The following TAMM41 variants were observed in gnomAD, a reference collection of about 807,000 sequenced individuals.
The protein encoded by TAMM41 is phosphatidate cytidylyltransferase, mitochondrial.
Under a neutral mutation model 44.1 loss-of-function variants are expected in TAMM41, and 36 were observed. The observed-to-expected ratio is 0.82, with a 90% CI of 0.63 to 1.08. TAMM41 has a LOEUF of 1.08. Among genes scored for constraint, TAMM41 ranks in the 50% least tolerant of loss-of-function variants. TAMM41 has a pLI of 0.00. For missense variants in TAMM41, 417 were observed against 404.3 expected (o/e 1.03, Z -0.27); for synonymous variants, 164 against 153.1 (o/e 1.07, Z -0.53).
At chr3:11,819,247 A>T (rs1489193617) in intron 4 of TAMM41, among the ~76,000 whole-genome samples, 2 of 152,186 alleles carry the variant, frequency 1.3e-5, no homozygotes, top group Admixed American at 6.5e-5. Context: ...ACACACAGGT[A>T]ACGTTTACCG....
chr3:11,812,681 G>A (rs1326571735), intron 5 of TAMM41, among the ~76,000 whole-genome samples: 1 of 152,192 alleles, frequency 6.6e-6, no homozygotes, highest in Non-Finnish European at 1.5e-5. Flanking sequence ...CGTAAGTCCA[G>A]CAGACAAGGC....
At chr3:11,747,689 C>T in the TAMM41 span, among the ~76,000 whole-genome samples, 1 of 151,524 alleles carries the variant, frequency 6.6e-6, no homozygotes, top group Non-Finnish European at 1.5e-5. Context: ...CTGCCTGAGC[C>T]CAGGAGGTTG....
intron 3 of TAMM41, 175 bp from the exon 4 acceptor site, chr3:11,830,039 T>C: frequency 1.8e-6 from 1 of 568,418 alleles, no homozygotes; most frequent in East Asian, 2.8e-5. Context: ...CTCCTTGTTT[T>C]ATGCCAAGGT....
At position 11,807,187 on chromosome 3, in the gene TAMM41, A is replaced by C. The variant is rs977018544; in HGVS notation, c.937+646T>G. 2.2e-6 allele frequency: 3 copies of C among 1,387,084 alleles called. No individual in the cohort carries two copies. The African/African-American group carries it at 4.4e-5, about 20-fold the overall frequency. 85.9% of individuals were successfully genotyped at this position (1,387,084 alleles called of 1,614,324 possible). A position where few individuals can be genotyped will look rare whatever the true frequency, so the allele number is the denominator to read the frequency against. Reference sequence around the variant, plus strand: ...CAGCGAAGACACTCTCCATGAGAGAAGAACATTATGCAGGGAAGGAAAGGT... The same window carrying C: ...CAGCGAAGACACTCTCCATGAGAGACGAACATTATGCAGGGAAGGAAAGGT... On this transcript the variant is annotated intron_variant, in intron 7 of 7. Transcript: ENST00000455809.
the TAMM41 span, among the ~76,000 whole-genome samples, chr3:11,762,563 C>T: frequency 6.6e-6 from 1 of 152,208 alleles, no homozygotes; most frequent in African/African-American, 2.4e-5. Context: ...CTTAGACTCC[C>T]ACTACTGTCT....
downstream of TAMM41, among the ~76,000 whole-genome samples, chr3:11,786,539 G>A (rs1354241622): frequency 1.3e-5 from 2 of 151,730 alleles, no homozygotes; most frequent in East Asian, 1.9e-4. Flanking sequence ...TCCTGACCTC[G>A]TGATCCACCC....
At chr3:11,806,986 T>C (rs2077928225) in intron 7 of TAMM41, among the ~76,000 whole-genome samples, 1 of 152,154 alleles carries the variant, frequency 6.6e-6, no homozygotes, top group Non-Finnish European at 1.5e-5. Flanking sequence ...AGCCTAAGTA[T>C]TAACTATGGG....
intron 3 of TAMM41, among the ~76,000 whole-genome samples, chr3:11,831,686 A>G (rs2078987629): frequency 6.6e-6 from 1 of 152,256 alleles, no homozygotes; most frequent in African/African-American, 2.4e-5. Context: ...AGAATGCTGC[A>G]GTATTCCAAG....
Position 11,846,497 on chromosome 3 carries a change from C to T in TAMM41, c.135+5G>A. 1 of 1,614,120 alleles carries T rather than the reference C, an allele frequency of 6.2e-7. No individual in the cohort carries two copies. The highest frequency in any genetic ancestry group is 8.5e-7 in the Non-Finnish European group (1 of 1,179,998). On this transcript the variant is annotated splice_donor_5th_base_variant and intron_variant, in intron 1 of 7. Transcript: ENST00000455809. Reference sequence around the variant, plus strand: ...GTTCCCCGTCGTGGGGCTGCCCGGGCTCACCTTCTGGTCTGAACTCGGCCC... The same window carrying T: ...GTTCCCCGTCGTGGGGCTGCCCGGGTTCACCTTCTGGTCTGAACTCGGCCC...
chr3:11,779,345 G>A, the TAMM41 span, among the ~76,000 whole-genome samples: 1 of 152,110 alleles, frequency 6.6e-6, no homozygotes, highest in African/African-American at 2.4e-5. Context: ...AAGGTGCCAG[G>A]CTCCTTTTAA....
intron 4 of TAMM41, among the ~76,000 whole-genome samples, chr3:11,824,707 G>A (rs558982123): frequency 2.6e-5 from 4 of 152,296 alleles, no homozygotes; most frequent in African/African-American, 9.6e-5. Context: ...TATTTACTGA[G>A]CACCTAGTAC....
intron 3 of TAMM41, among the ~76,000 whole-genome samples, chr3:11,832,816 C>T (rs927534452): frequency 2.0e-5 from 3 of 152,028 alleles, no homozygotes; most frequent in Non-Finnish European, 4.4e-5. Context: ...TACAGAAGCC[C>T]AGTGAAATTA....
the TAMM41 span, among the ~76,000 whole-genome samples, chr3:11,733,669 G>A: frequency 3.3e-5 from 5 of 151,138 alleles, no homozygotes; most frequent in East Asian, 2.0e-4. Context: ...ATTTTTTTTC[G>A]TATTTTTAGT....
chr3:11,846,399 G>C, intron 1 of TAMM41, 103 bp downstream of exon 1: 1 of 1,322,640 alleles, frequency 7.6e-7, no homozygotes. Context: ...GACACGTGGA[G>C]TGTGCAGAGC....
chr3:11,731,958 C>T, the TAMM41 span, among the ~76,000 whole-genome samples: 2 of 152,050 alleles, frequency 1.3e-5, no homozygotes, highest in East Asian at 3.9e-4. Flanking sequence ...CCGCTGCCTC[C>T]TGGGTTCAAG....
chr3:11,836,161 T>C (rs769553689), intron 3 of TAMM41, among the ~76,000 whole-genome samples: 3 of 151,946 alleles, frequency 2.0e-5, no homozygotes, highest in Non-Finnish European at 2.9e-5. Flanking sequence ...CAGTTAATTA[T>C]TGTATTTTTA....
intron 2 of TAMM41, among the ~76,000 whole-genome samples, chr3:11,840,314 C>A (rs1273486888): frequency 6.6e-6 from 1 of 151,738 alleles, no homozygotes; most frequent in Non-Finnish European, 1.5e-5. Context: ...CTCACCACAA[C>A]CTCCGCCTCC....
the TAMM41 span, among the ~76,000 whole-genome samples, chr3:11,750,762 T>C: frequency 6.6e-6 from 1 of 152,178 alleles, no homozygotes; most frequent in Non-Finnish European, 1.5e-5. Flanking sequence ...TATCCTCAAC[T>C]CACCAGGTGC....
chr3:11,817,434 C>G, intron 4 of TAMM41, 97 bp from the exon 5 acceptor site: 1 of 1,267,012 alleles, frequency 7.9e-7, no homozygotes, highest in Non-Finnish European at 1.1e-6. Context: ...CGGGTTCACT[C>G]TGGCAGGATC....
Sources: gnomAD v4.1 joint callset for allele counts (sites outside exome capture counted in the v4.1 genomes callset) on GRCh38, gnomAD v4.1.1 for gene constraint, MANE v1.5 for transcripts, NCBI Gene and HGNC (gene_info 2026-07-23, HGNC 2026-07-21) for gene names.